Variants in ZCWPW2 observed in about 807,000 individuals in gnomAD.
The protein encoded by ZCWPW2 is zinc finger CW-type PWWP domain protein 2.
Under a neutral mutation model 46.6 loss-of-function variants are expected in ZCWPW2, and 45 were observed. That is an observed-to-expected ratio of 0.96 (90% CI 0.76 to 1.24). ZCWPW2 has a LOEUF of 1.24. ZCWPW2 is among the 50% of genes most tolerant of loss of function. The pLI is 0.00. For synonymous variants in ZCWPW2, 152 were observed against 137.1 expected, an observed-to-expected ratio of 1.11 and a Z score of -0.76; for missense variants, 429 against 403.9, an observed-to-expected ratio of 1.06 and a Z score of -0.53.
At chr3:28,458,364 AG>A (rs1477979711) in intron 4 of ZCWPW2, among the ~76,000 whole-genome samples, 1 of 152,214 alleles carries the variant, frequency 6.6e-6, no homozygotes, top group African/African-American at 2.4e-5. Context: ...TGAAGAACTT[AG>A]TAAGTTTAAA....
chr3:28,466,909 T>C (rs1698845856), intron 4 of ZCWPW2, among the ~76,000 whole-genome samples: 1 of 152,192 alleles, frequency 6.6e-6, no homozygotes, highest in African/African-American at 2.4e-5. Context: ...CTTAAATTAA[T>C]TTAAATGCCA....
At chr3:28,476,491 T>C (rs938897421) in intron 4 of ZCWPW2, among the ~76,000 whole-genome samples, 19 of 152,260 alleles carry the variant, frequency 1.2e-4, no homozygotes, top group African/African-American at 3.4e-4. Context: ...TTTAGCTATA[T>C]GGCACTGATT....
chr3:28,436,058 AGATT>A (rs1450749032), intron 4 of ZCWPW2, among the ~76,000 whole-genome samples: 1 of 152,150 alleles, frequency 6.6e-6, no homozygotes, highest in Non-Finnish European at 1.5e-5. Flanking sequence ...ATTAATAGAT[AGATT>A]ATTAGATTAG....
chr3:28,465,974 C>T (rs184570009), intron 4 of ZCWPW2, among the ~76,000 whole-genome samples: 38 of 152,118 alleles, frequency 2.5e-4, no homozygotes, highest in Non-Finnish European at 4.9e-4. Flanking sequence ...AGTACATAGA[C>T]ACTATGGAAT....
intron 1 of ZCWPW2, among the ~76,000 whole-genome samples, chr3:28,376,751 G>A (rs577342758): frequency 2.6e-5 from 4 of 152,152 alleles, no homozygotes; most frequent in Non-Finnish European, 5.9e-5. Context: ...CCATTTTGGT[G>A]ATGTAACTTT....
intron 1 of ZCWPW2, among the ~76,000 whole-genome samples, chr3:28,388,934 G>C (rs1236936443): frequency 2.6e-5 from 4 of 152,128 alleles, no homozygotes; most frequent in African/African-American, 9.7e-5. Flanking sequence ...CAGACATACT[G>C]TTTCTCTTCC....
chr3:28,388,997 TC>T (rs1559484010), intron 1 of ZCWPW2, among the ~76,000 whole-genome samples: 1 of 152,178 alleles, frequency 6.6e-6, no homozygotes, highest in African/African-American at 2.4e-5. Flanking sequence ...AATCAACTGA[TC>T]CATCACAGCT....
chr3:28,520,241 G>A (rs1186754057), intron 8 of ZCWPW2, among the ~76,000 whole-genome samples: 2 of 151,846 alleles, frequency 1.3e-5, no homozygotes, highest in African/African-American at 2.4e-5. Flanking sequence ...TCCTGACCTC[G>A]TGATCCACCC....
intron 4 of ZCWPW2, among the ~76,000 whole-genome samples, chr3:28,455,428 G>A (rs1288019287): frequency 2.6e-5 from 4 of 152,168 alleles, no homozygotes; most frequent in African/African-American, 9.7e-5. Context: ...CTCCCATTCT[G>A]TAGGTTGCCT....
chr3:28,422,359 C>G (rs997961733), intron 3 of ZCWPW2, among the ~76,000 whole-genome samples: 10 of 152,268 alleles, frequency 6.6e-5, no homozygotes, highest in African/African-American at 1.7e-4. Context: ...TAAAAATCCT[C>G]TGTGTTTCTC....
intron 2 of ZCWPW2, among the ~76,000 whole-genome samples, chr3:28,400,837 C>A (rs1288925845): frequency 1.3e-5 from 2 of 152,170 alleles, no homozygotes. Flanking sequence ...AACAAAACCT[C>A]TTTAAAGCAT....
intron 2 of ZCWPW2, among the ~76,000 whole-genome samples, chr3:28,394,070 T>C (rs1379280016): frequency 1.3e-5 from 2 of 152,068 alleles, no homozygotes; most frequent in African/African-American, 4.8e-5. Flanking sequence ...AACTAATAAA[T>C]TTACAAAAGA....
intron 3 of ZCWPW2, among the ~76,000 whole-genome samples, chr3:28,420,584 G>GT (rs111363546): frequency 0.036 from 5,067 of 138,828 alleles, 220 homozygotes; most frequent in African/African-American, 0.1. Flanking sequence ...ACTTTATGTT[G>GT]TTTTTTTTTT....
intron 2 of ZCWPW2, among the ~76,000 whole-genome samples, chr3:28,407,571 A>G (rs1475438028): frequency 1.3e-5 from 2 of 152,186 alleles, no homozygotes; most frequent in Non-Finnish European, 2.9e-5. Flanking sequence ...TTGAGTGGTT[A>G]ACTAATTTGC....
intron 1 of ZCWPW2, among the ~76,000 whole-genome samples, chr3:28,375,661 A>T (rs945383856): frequency 1.7e-4 from 26 of 152,136 alleles, no homozygotes; most frequent in Admixed American, 5.9e-4. Flanking sequence ...TTCTTTATTT[A>T]AAAAATACAA....
intron 4 of ZCWPW2, among the ~76,000 whole-genome samples, chr3:28,470,445 G>C (rs1406866241): frequency 6.8e-6 from 1 of 146,190 alleles, no homozygotes; most frequent in African/African-American, 2.5e-5. Flanking sequence ...AGTGAGCCGA[G>C]ATCGCGTCAC....
At chr3:28,511,197 C>A in intron 6 of ZCWPW2, 2 of 383,432 alleles carry the variant, frequency 5.2e-6, no homozygotes, top group South Asian at 4.0e-5. Flanking sequence ...AGTCATTCAA[C>A]TATCCAGATG....
intron 5 of ZCWPW2, among the ~76,000 whole-genome samples, chr3:28,479,671 C>T (rs1699361772): frequency 6.6e-6 from 1 of 152,122 alleles, no homozygotes; most frequent in Non-Finnish European, 1.5e-5. Context: ...CCTTTTCCTC[C>T]TCCCACCTTC....
intron 4 of ZCWPW2, among the ~76,000 whole-genome samples, chr3:28,473,350 C>G (rs1438518862): frequency 2.0e-5 from 3 of 152,090 alleles, no homozygotes; most frequent in African/African-American, 7.2e-5. Context: ...TGGCACATGC[C>G]TGTAATCCCA....
Sources: gnomAD v4.1 joint callset for allele counts (sites outside exome capture counted in the v4.1 genomes callset) on GRCh38, gnomAD v4.1.1 for gene constraint, MANE v1.5 for transcripts, NCBI Gene and HGNC (gene_info 2026-07-23, HGNC 2026-07-21) for gene names.